Variants in NT5DC2 observed in about 807,000 individuals in gnomAD.
The protein encoded by NT5DC2 is 5'-nucleotidase domain containing 2, also known as 5'-nucleotidase domain-containing protein 2.
In NT5DC2, 41 loss-of-function variants were observed where a neutral mutation model predicts 70.0. That is an observed-to-expected ratio of 0.59 (90% CI 0.46 to 0.76). The LOEUF is 0.76. Among genes scored for constraint, NT5DC2 ranks in the 30% least tolerant of loss-of-function variants. NT5DC2 has a pLI of 0.00. For synonymous variants in NT5DC2, 299 were observed against 310.4 expected (o/e 0.96, Z 0.39); for missense variants, 705 against 783.2 (o/e 0.90, Z 1.19).
At chr3:52,534,933 G>C (rs558280090), upstream of NT5DC2, 5 of 423,536 alleles carry the variant, frequency 1.2e-5, no homozygotes, top group African/African-American at 2.1e-5. Context: ...CAGGGCCCCA[G>C]TGAGCAAGTG....
At chr3:52,528,367 T>C (rs2079311105) in intron 5 of NT5DC2, 56 bp from the exon 6 acceptor site, 2 of 1,613,220 alleles carry the variant, frequency 1.2e-6, no homozygotes, top group Non-Finnish European at 1.7e-6. Flanking sequence ...CCTTCAGTGC[T>C]GGAGACGAGG....
upstream of NT5DC2, chr3:52,534,737 G>A: frequency 6.6e-7 from 1 of 1,522,268 alleles, no homozygotes; most frequent in Non-Finnish European, 8.8e-7. Flanking sequence ...CAGTAGCCGT[G>A]GGCCCTGTCG....
chr3:52,525,517 T>C, intron 10 of NT5DC2: 1 of 570,442 alleles, frequency 1.8e-6, no homozygotes, highest in Non-Finnish European at 3.2e-6. Context: ...CCTGGCATGG[T>C]GCCCATGCCT....
At position 52,529,359 on chromosome 3, in the gene NT5DC2, C is replaced by T. The variant is rs762019072; in HGVS notation, c.233-25G>A. ...TCTAGAGGAAGGAGATGCAGGGAGG[C>T]AGTGATGGGGATGATGATCCCTGCA... On this transcript the variant is annotated intron_variant, in intron 1 of 13. Transcript: ENST00000422318. The surrounding 1 kb of genome is among the most constrained non-coding windows in gnomAD (Gnocchi z 4.1). The T allele has an allele frequency of 3.1e-6, 5 of 1,607,960 alleles. No individual in the cohort carries two copies. Among genetic ancestry groups the T allele is most frequent in the South Asian group, 1.1e-5 (1 of 90,666 alleles).
rs370442610 is a variant in NT5DC2, at chr3:52,528,701, G to T, written c.493-9C>A. On this transcript the variant is annotated splice_polypyrimidine_tract_variant and intron_variant, in intron 3 of 13. Transcript: ENST00000422318. Reference sequence around the variant, plus strand: ...ATCTTCATCAGAAGGCTCTGGGGGCGCCAGGGAGGCAGGACGGATGGTGAG... The same window carrying T: ...ATCTTCATCAGAAGGCTCTGGGGGCTCCAGGGAGGCAGGACGGATGGTGAG... 6.2e-7 allele frequency: 1 copy of T among 1,602,736 alleles called. No homozygotes were observed. Among genetic ancestry groups the T allele is most frequent in the Admixed American group, 1.7e-5 (1 of 58,200 alleles).
chr3:52,533,606 G>C lies in NT5DC2; in HGVS notation c.132C>G (p.Pro44=), dbSNP rs1265534528. ...CGPPGPGAHC[P]GVPRSAPAQA... is the part of the protein sequence containing the mutation. The stretch of plus-strand genomic sequence containing the variant: ...GGGCGGGCGCGGAGCGCGGGACGCC[G>C]GGGCAGTGGGCGCCGGGACCCGGGG... The change falls in exon 1 of 14, where the codon CCC becomes CCG. Residue 44 remains proline (P), a synonymous_variant. Coordinates refer to ENST00000422318, the MANE Select transcript of NT5DC2 (RefSeq NM_001134231.2). 8.0e-7 allele frequency: 1 copy of C among 1,244,884 alleles called. No homozygotes were observed. Among genetic ancestry groups the C allele is most frequent in the African/African-American group, 1.6e-5 (1 of 63,676 alleles). The allele number at this position is 1,244,884 out of a possible 1,614,324, so 77.1% of individuals were successfully genotyped here.
Position 52,525,160 on chromosome 3 carries a change from G to T in NT5DC2, c.1206+49C>A, listed in dbSNP as rs759247646. On this transcript the variant is annotated intron_variant, in intron 11 of 13. Coordinates refer to ENST00000422318, the MANE Select transcript of NT5DC2 (RefSeq NM_001134231.2). ...CGCCAGTTGCTGGGGGCGGGGGGGGGGGGGTTTCCTGGCCCTCCCCCACTG... is the reference window on the plus strand; with the variant it reads ...CGCCAGTTGCTGGGGGCGGGGGGGGTGGGGTTTCCTGGCCCTCCCCCACTG... 2.9e-6 allele frequency: 4 copies of T among 1,357,568 alleles called. No individual in the cohort carries two copies. The Admixed American group carries it at 5.4e-5, about 18-fold the overall frequency. 84.1% of individuals were successfully genotyped at this position (1,357,568 alleles called of 1,614,324 possible). A position where few individuals can be genotyped will look rare whatever the true frequency, so the allele number is the denominator to read the frequency against.
chr3:52,524,744 A>C lies in NT5DC2; in HGVS notation c.1413-13T>G, dbSNP rs1200505334. On this transcript the variant is annotated splice_polypyrimidine_tract_variant and intron_variant, in intron 13 of 13. Transcript: ENST00000422318. ...CTTGGTGATGCACCTGGCGAGGGAG[A>C]CACGATGCGCTCAAGGGGTGGGCCT... is the stretch of plus-strand genomic sequence containing the variant. The C allele has an allele frequency of 8.7e-5, 140 of 1,612,532 alleles. No homozygotes were observed. The highest frequency in any genetic ancestry group is 1.2e-4 in the Non-Finnish European group (137 of 1,179,888).
In NT5DC2 at chr3:52,531,367, G is replaced by C. The variant is rs563688957; in HGVS notation, c.233-2033C>G. ...GGTTCTGGTGTGTCACTAGGACCCT[G>C]GGCCTTGCCCTTCCCATGGCCCTGA... On this transcript the variant is annotated intron_variant, in intron 1 of 13. Coordinates refer to ENST00000422318, the MANE Select transcript of NT5DC2 (RefSeq NM_001134231.2). This position sits in a 1 kb window ranked among gnomAD's most constrained non-coding sequence, Gnocchi z 4.1. 1.3e-5 allele frequency among the ~76,000 whole-genome samples: 2 copies of C among 152,126 alleles called. No homozygotes were observed. The highest frequency in any genetic ancestry group is 2.4e-5 in the African/African-American group (1 of 41,416).
chr3:52,534,870 G>A, upstream of NT5DC2: 1 of 584,028 alleles, frequency 1.7e-6, no homozygotes, highest in Non-Finnish European at 3.0e-6. Flanking sequence ...TCCATGGCCT[G>A]GGGACTGGTA....
rs189586536 is a variant in NT5DC2, at chr3:52,528,841, A to C, written c.492+20T>G. On this transcript the variant is annotated intron_variant, in intron 3 of 13. Transcript: ENST00000422318. ...AGAGGAGGCCAAGGAGGGAGCCCCTATACAGGTCCAGCCACTCACCTTCTG... is the reference window on the plus strand; with the variant it reads ...AGAGGAGGCCAAGGAGGGAGCCCCTCTACAGGTCCAGCCACTCACCTTCTG... 2.2e-4 allele frequency: 360 copies of C among 1,613,098 alleles called. No homozygotes were observed. In the African/African-American group the frequency reaches 4.6e-3, roughly 21 times the overall value.
chr3:52,532,105 T>C (rs2079369714), intron 1 of NT5DC2: 1 of 868,832 alleles, frequency 1.2e-6, no homozygotes, highest in African/African-American at 1.8e-5. Flanking sequence ...CCGTGGGCAT[T>C]AGCCCAAAGC....
rs768429971 is a variant in NT5DC2 at position 52,525,248 on chromosome 3, G to A, written c.1167C>T (p.Arg389=). 6 of 1,612,728 alleles carry A rather than the reference G, an allele frequency of 3.7e-6. No individual in the cohort carries two copies. The East Asian group carries it at 6.7e-5, about 18-fold the overall frequency. ...FLRLTEWRGP[R]VLYFGDHLYS... ...AGAGGTGGTCCCCGAAGTAGAGCAC[G>A]CGGGGGCCACGCCATTCCGTCAAGC... is the stretch of plus-strand genomic sequence containing the variant. The change falls in exon 11 of 14, where the codon CGC becomes CGT. Residue 389 remains arginine (R), a synonymous_variant. Transcript: ENST00000422318.
intron 11 of NT5DC2, 33 bp from the exon 12 acceptor site, chr3:52,525,136 G>C: frequency 2.7e-6 from 2 of 737,878 alleles, no homozygotes; most frequent in Non-Finnish European, 4.2e-6. Flanking sequence ...TGGGCTCAGC[G>C]CCAGTTGCTG....
At position 52,524,436 on chromosome 3, in the gene NT5DC2, G is replaced by T. The variant is rs201684761; in HGVS notation, c.*34C>A. 1.2e-6 allele frequency: 2 copies of T among 1,611,674 alleles called. No individual in the cohort carries two copies. On this transcript the variant is annotated 3_prime_UTR_variant, in exon 14 of 14. Coordinates refer to ENST00000422318, the MANE Select transcript of NT5DC2 (RefSeq NM_001134231.2). ...TTGTCTGGGTGGATGGGGCAGGAGG[G>T]GCTGAGGGCCTGTCCCAGACAATAA... is the stretch of plus-strand genomic sequence containing the variant.
At chr3:52,527,988 C>G in intron 7 of NT5DC2, 25 bp downstream of exon 7, 1 of 1,613,060 alleles carries the variant, frequency 6.2e-7, no homozygotes, top group Non-Finnish European at 8.5e-7. Flanking sequence ...AGGCCGGCCA[C>G]GGCAGGGCTT....
chr3:52,529,007 G>A lies in NT5DC2; in HGVS notation c.418-72C>T. 3 of 1,594,628 alleles carry A rather than the reference G, an allele frequency of 1.9e-6. No individual in the cohort carries two copies. Among genetic ancestry groups the A allele is most frequent in the East Asian group, 2.2e-5 (1 of 44,742 alleles). On this transcript the variant is annotated intron_variant, in intron 2 of 13. Transcript: ENST00000422318. This position sits in a 1 kb window ranked among gnomAD's most constrained non-coding sequence, Gnocchi z 4.1. ...CTGCTGGCTGGGTGGCCACCCCAGG[G>A]GGTCAATCCAGCCACCTGCCCAGGG... is the stretch of plus-strand genomic sequence containing the variant.
Position 52,525,061 on chromosome 3 carries a change from G to A in NT5DC2, c.1249C>T (p.Pro417Ser), listed in dbSNP as rs2079230358. 1.9e-6 allele frequency: 3 copies of A among 1,596,178 alleles called. No individual in the cohort carries two copies. In the South Asian group the frequency reaches 3.4e-5, roughly 18 times the overall value. The stretch of plus-strand genomic sequence containing the variant: ...ATGCGGATCTCACGCTCCAGCTCGG[G>A]GATGATGGCGCCTGTGCGCCAGCCG... The part of the protein sequence containing the change: ...RHGWRTGAII[P>S]ELEREIRIIN... The change falls in exon 12 of 14, where the codon CCC becomes TCC. Residue 417 changes from proline to serine, a missense_variant. Coordinates refer to ENST00000422318, the MANE Select transcript of NT5DC2 (RefSeq NM_001134231.2).
chr3:52,530,557 A>T (rs910494875), intron 1 of NT5DC2, among the ~76,000 whole-genome samples: 1 of 152,118 alleles, frequency 6.6e-6, no homozygotes, highest in African/African-American at 2.4e-5. Context: ...AGGGTACAAA[A>T]AATTGTACCA....
Sources: gnomAD v4.1 joint callset for allele counts (sites outside exome capture counted in the v4.1 genomes callset) on GRCh38, gnomAD v4.1.1 for gene constraint, Gnocchi (gnomAD v3.1) non-coding constraint, MANE v1.5 for transcripts, NCBI Gene and HGNC (gene_info 2026-07-23, HGNC 2026-07-21) for gene names.